CRTC3: variants seen among roughly 807,000 people sequenced by gnomAD.
CRTC3 encodes CREB regulated transcription coactivator 3, also known as CREB-regulated transcription coactivator 3.
In CRTC3, 26 loss-of-function variants were observed where a neutral mutation model predicts 74.5. The ratio of observed to expected loss-of-function variants is 0.35; its 90% CI spans 0.26 to 0.48. The LOEUF is 0.48. Ranked by LOEUF, CRTC3 falls within the 20% of genes least tolerant of loss-of-function variation. The pLI, the probability that CRTC3 is intolerant of heterozygous loss-of-function variation, is 0.99. For synonymous variants in CRTC3, 377 were observed against 325.8 expected (o/e 1.16, Z -1.69); for missense variants, 760 against 787.3 (o/e 0.97, Z 0.41).
At chr15:90,574,435 G>T (rs1056513511) in intron 2 of CRTC3, among the ~76,000 whole-genome samples, 1 of 152,118 alleles carries the variant, frequency 6.6e-6, no homozygotes, top group Non-Finnish European at 1.5e-5. Flanking sequence ...CCGAGATCGC[G>T]CCACTGTACT....
chr15:90,550,917 C>G (rs1966854626), intron 2 of CRTC3, among the ~76,000 whole-genome samples: 1 of 151,988 alleles, frequency 6.6e-6, no homozygotes, highest in South Asian at 2.1e-4. Flanking sequence ...AGCTCAATTC[C>G]AAGCAGGTGA....
chr15:90,604,406 C>G lies in CRTC3; in HGVS notation c.435C>G (p.Asp145Glu), dbSNP rs377234981. The change falls in exon 5 of 15, where the codon GAC (aspartate) becomes GAG (glutamate). Residue 145 changes from aspartate to glutamate, a missense_variant. Transcript: ENST00000268184. ...AAAGGCAGCAGCCTCCTTGGAAAGA[C>G]GAAAAGCATCCTGGGTTCAGGCTGA... is the stretch of plus-strand genomic sequence containing the variant. ...SWPRQQPPWK[D>E]EKHPGFRLTS... is the part of the protein sequence containing the mutation. 6.2e-7 allele frequency: 1 copy of G among 1,613,988 alleles called. No individual in the cohort carries two copies. The highest frequency in any genetic ancestry group is 1.7e-5 in the Admixed American group (1 of 60,006).
chr15:90,550,902 C>T (rs758763114), intron 2 of CRTC3, among the ~76,000 whole-genome samples: 15 of 151,920 alleles, frequency 9.9e-5, no homozygotes, highest in Non-Finnish European at 1.6e-4. Flanking sequence ...CTAATAATGC[C>T]AAGGAGCTCA....
chr15:90,602,744 G>A (rs530712052), intron 4 of CRTC3, among the ~76,000 whole-genome samples: 1 of 152,126 alleles, frequency 6.6e-6, no homozygotes, highest in African/African-American at 2.4e-5. Flanking sequence ...GGGAGGCTGA[G>A]GCGGGCAGAT....
rs577117272 is a variant in CRTC3, at chr15:90,588,926, A to G, written c.232-4710A>G. Among the ~76,000 whole-genome samples, 230 of 152,350 alleles carry G rather than the reference A, an allele frequency of 1.5e-3. 3 individuals are homozygous for G. The highest frequency in any genetic ancestry group is 2.2e-3 in the Non-Finnish European group (152 of 68,032). On this transcript the variant is annotated intron_variant, in intron 2 of 14. Transcript: ENST00000268184. ...TCTCAACAAGCCTGTGGAAGTTATT[A>G]TCATTTCCACTTTTTAGATAAGGAA... is the stretch of plus-strand genomic sequence containing the variant.
intron 2 of CRTC3, among the ~76,000 whole-genome samples, chr15:90,545,803 C>T (rs972990683): frequency 6.6e-6 from 1 of 152,136 alleles, no homozygotes; most frequent in Non-Finnish European, 1.5e-5. Flanking sequence ...TGGTCTCCAT[C>T]TCCTGACTTT....
chr15:90,641,887 G>A (rs757362020), intron 14 of CRTC3, 45 bp from the exon 15 acceptor site: 26 of 1,565,238 alleles, frequency 1.7e-5, no homozygotes, highest in East Asian at 4.5e-5. Flanking sequence ...TGGAGCCTTC[G>A]CGCCTCCTAA....
At chr15:90,550,454 T>TTTA (rs1440963435) in intron 2 of CRTC3, among the ~76,000 whole-genome samples, 1 of 151,308 alleles carries the variant, frequency 6.6e-6, no homozygotes, top group African/African-American at 2.4e-5. Context: ...GCCTGTTTTT[T>TTTA]TTTTTTTGAG....
chr15:90,545,643 C>T (rs1966842928), intron 2 of CRTC3, among the ~76,000 whole-genome samples: 2 of 151,940 alleles, frequency 1.3e-5, no homozygotes, highest in Admixed American at 1.3e-4. Context: ...GTGGCACGAT[C>T]TCGGCTCACT....
intron 2 of CRTC3, among the ~76,000 whole-genome samples, chr15:90,574,636 C>G (rs1038172634): frequency 1.3e-5 from 2 of 152,108 alleles, no homozygotes; most frequent in Non-Finnish European, 2.9e-5. Flanking sequence ...GTCAGTTCAC[C>G]CTCCCTAGAA....
intron 5 of CRTC3, among the ~76,000 whole-genome samples, chr15:90,606,353 G>C (rs948113422): frequency 6.6e-6 from 1 of 152,062 alleles, no homozygotes; most frequent in Non-Finnish European, 1.5e-5. Flanking sequence ...CCCGAGGTCG[G>C]GAGTTCGAGA....
At position 90,540,014 on chromosome 15, in the gene CRTC3, C is replaced by T. The variant is rs540217467; in HGVS notation, c.133-25C>T. ...TTAGATCTTTGCTGTTACCTCTCAGCGTTCTTAAATCACTTTGTTTCCAGG... is the reference window on the plus strand; with the variant it reads ...TTAGATCTTTGCTGTTACCTCTCAGTGTTCTTAAATCACTTTGTTTCCAGG... On this transcript the variant is annotated intron_variant, in intron 1 of 14. Coordinates refer to ENST00000268184, the MANE Select transcript of CRTC3 (RefSeq NM_022769.5). 9.8e-5 allele frequency: 146 copies of T among 1,491,124 alleles called. 2 individuals are homozygous for T. The South Asian group carries it at 1.4e-3, about 15-fold the overall frequency. 92.4% of individuals were successfully genotyped at this position (1,491,124 alleles called of 1,614,324 possible). A position where few individuals can be genotyped will look rare whatever the true frequency, so the allele number is the denominator to read the frequency against.
chr15:90,560,863 T>A (rs1966996380), intron 2 of CRTC3, among the ~76,000 whole-genome samples: 1 of 152,130 alleles, frequency 6.6e-6, no homozygotes, highest in South Asian at 2.1e-4. Context: ...GCTTGGGGGG[T>A]TCAACAAAAT....
intron 2 of CRTC3, among the ~76,000 whole-genome samples, chr15:90,591,691 T>G (rs1331382914): frequency 6.6e-6 from 1 of 152,232 alleles, no homozygotes; most frequent in Admixed American, 6.5e-5. Context: ...TGGCATGCAC[T>G]GTAGTCCCAG....
intron 8 of CRTC3, among the ~76,000 whole-genome samples, chr15:90,619,518 A>C (rs1213637559): frequency 1.3e-5 from 2 of 152,238 alleles, no homozygotes; most frequent in Non-Finnish European, 1.5e-5. Context: ...TTGATAAGGC[A>C]TCAAATTAGG....
intron 2 of CRTC3, among the ~76,000 whole-genome samples, chr15:90,558,814 T>A (rs930733162): frequency 6.6e-6 from 1 of 151,894 alleles, no homozygotes; most frequent in Non-Finnish European, 1.5e-5. Context: ...TGCAGTGGCG[T>A]GATCTCGGCT....
chr15:90,558,658 C>T (rs992504069), intron 2 of CRTC3, among the ~76,000 whole-genome samples: 2 of 152,044 alleles, frequency 1.3e-5, no homozygotes, highest in Admixed American at 1.3e-4. Context: ...GGCCTTGCCT[C>T]TCTAAAATCT....
At chr15:90,555,009 T>G (rs947507319) in intron 2 of CRTC3, among the ~76,000 whole-genome samples, 2 of 152,208 alleles carry the variant, frequency 1.3e-5, no homozygotes, top group African/African-American at 4.8e-5. Context: ...CCTTCTACAA[T>G]TGGCCATACT....
At position 90,628,031 on chromosome 15, in the gene CRTC3, C is replaced by T. The variant is rs189475658; in HGVS notation, c.968-1203C>T. On this transcript the variant is annotated intron_variant, in intron 10 of 14. Coordinates refer to ENST00000268184, the MANE Select transcript of CRTC3 (RefSeq NM_022769.5). ...AGGAGATCGAGACCATCCTGGCTAA[C>T]ACGGTGAAACCCCATCTCTACTAAA... is the stretch of plus-strand genomic sequence containing the variant. 8.5e-4 allele frequency among the ~76,000 whole-genome samples: 129 copies of T among 151,134 alleles called. 1 individual carries two copies. The highest frequency in any genetic ancestry group is 3.1e-3 in the African/African-American group (129 of 41,286).
Sources: gnomAD v4.1 joint callset for allele counts (sites outside exome capture counted in the v4.1 genomes callset) on GRCh38, gnomAD v4.1.1 for gene constraint, MANE v1.5 for transcripts, NCBI Gene and HGNC (gene_info 2026-07-23, HGNC 2026-07-21) for gene names.